SRGAP3: variants seen among roughly 807,000 people sequenced by gnomAD.
The protein encoded by SRGAP3 is SLIT-ROBO Rho GTPase activating protein 3.
In SRGAP3, 39 loss-of-function variants were observed where a neutral mutation model predicts 121.1. The observed-to-expected ratio is 0.32, with a 90% CI of 0.25 to 0.42. SRGAP3 has a LOEUF of 0.42. Ranked by LOEUF, SRGAP3 falls within the 10% of genes least tolerant of loss-of-function variation. The probability of loss-of-function intolerance (pLI) is 1.00; values close to 1 mark genes in which losing one functional copy is unlikely to be tolerated. For synonymous variants in SRGAP3, 601 were observed against 570.0 expected, an observed-to-expected ratio of 1.05 and a Z score of -0.77; for missense variants, 1,213 against 1,470.6, an observed-to-expected ratio of 0.82 and a Z score of 2.86.
intron 3 of SRGAP3, among the ~76,000 whole-genome samples, chr3:9,288,768 G>T (rs1380258227): frequency 6.6e-6 from 1 of 151,724 alleles, no homozygotes; most frequent in Non-Finnish European, 1.5e-5. Context: ...AGAGACAGGG[G>T]TTCCACTATT....
intron 18 of SRGAP3, among the ~76,000 whole-genome samples, chr3:9,002,086 C>T (rs1158260203): frequency 1.3e-5 from 2 of 152,122 alleles, no homozygotes; most frequent in African/African-American, 4.8e-5. Context: ...GTATAGAACA[C>T]ACCACTCAGC....
chr3:9,055,039 G>A (rs1045955294), intron 8 of SRGAP3, among the ~76,000 whole-genome samples: 2 of 152,162 alleles, frequency 1.3e-5, no homozygotes, highest in Admixed American at 1.3e-4. Flanking sequence ...ACTATTCCGT[G>A]TAAACAATTT....
Position 9,131,433 on chromosome 3 carries a change from C to CCT in SRGAP3, c.68-6517_68-6516insAG, listed in dbSNP as rs1365084192. Reference sequence around the variant, plus strand: ...GCCCAGAGAAGGGGAAGATCTAATTCTTTTTTTTTTTTTTTTTTTTTTTGA... The same window carrying CCT: ...GCCCAGAGAAGGGGAAGATCTAATTCCTTTTTTTTTTTTTTTTTTTTTTTTGA... On this transcript the variant is annotated intron_variant, in intron 1 of 21. Coordinates refer to ENST00000383836, the MANE Select transcript of SRGAP3 (RefSeq NM_014850.4). 1.0e-3 allele frequency among the ~76,000 whole-genome samples: 90 copies of CCT among 90,228 alleles called. 1 individual carries two copies. Among genetic ancestry groups the CCT allele is most frequent in the Non-Finnish European group, 1.6e-3 (79 of 48,814 alleles). 59.2% of individuals were successfully genotyped at this position (90,228 alleles called of 152,430 possible). A position where few individuals can be genotyped will look rare whatever the true frequency, so the allele number is the denominator to read the frequency against.
rs925183371 is a variant in SRGAP3, at chr3:9,103,611, A to G, written c.423+1069T>C. Among the ~76,000 whole-genome samples, 11 of 152,204 alleles carry G rather than the reference A, an allele frequency of 7.2e-5. No individual in the cohort carries two copies. In the South Asian group the frequency reaches 1.0e-3, roughly 14 times the overall value. ...AGGCCACATCCCAAACCACTTTGCA[A>G]TAATGCCACTCTCCCCGCACACCAT... On this transcript the variant is annotated intron_variant, in intron 3 of 21. Transcript: ENST00000383836.
At chr3:9,118,447 C>T (rs1012164923) in intron 2 of SRGAP3, among the ~76,000 whole-genome samples, 26 of 152,188 alleles carry the variant, frequency 1.7e-4, no homozygotes, top group Admixed American at 1.3e-4. Context: ...CTGCCTGCTA[C>T]ACCAGAGTCC....
chr3:9,093,553 TCATC>T (rs994152361), intron 3 of SRGAP3, among the ~76,000 whole-genome samples: 63 of 151,192 alleles, frequency 4.2e-4, no homozygotes, highest in African/African-American at 1.5e-3. Context: ...ACTCATCCAC[TCATC>T]CATCCATTCA....
At chr3:9,191,878 C>T (rs985890334) in intron 1 of SRGAP3, among the ~76,000 whole-genome samples, 1 of 152,080 alleles carries the variant, frequency 6.6e-6, no homozygotes, top group Non-Finnish European at 1.5e-5. Context: ...AAGTGTGTAG[C>T]ATCTCCCCCC....
At chr3:9,156,097 G>A (rs1210998524) in intron 1 of SRGAP3, among the ~76,000 whole-genome samples, 2 of 152,224 alleles carry the variant, frequency 1.3e-5, no homozygotes, top group Non-Finnish European at 2.9e-5. Context: ...TTACAGGCGT[G>A]AGCCACCACG....
chr3:9,069,025 A>G (rs113937760), intron 4 of SRGAP3, among the ~76,000 whole-genome samples: 1,807 of 152,340 alleles, frequency 0.012, 25 homozygotes, highest in Non-Finnish European at 0.018. Flanking sequence ...ACCATGGCCC[A>G]GAATAGGTCA....
chr3:9,299,399 C>T (rs1024759656), intron 3 of SRGAP3, among the ~76,000 whole-genome samples: 1 of 151,332 alleles, frequency 6.6e-6, no homozygotes, highest in African/African-American at 2.4e-5. Context: ...AAAGAAACTT[C>T]AAGATAGTAG....
chr3:9,044,773 C>T (rs934017598), intron 10 of SRGAP3, among the ~76,000 whole-genome samples: 1 of 152,188 alleles, frequency 6.6e-6, no homozygotes, highest in Non-Finnish European at 1.5e-5. Flanking sequence ...CCAGTTGACA[C>T]TAAGAAGGAT....
chr3:8,994,030 C>T, intron 19 of SRGAP3: 1 of 428,174 alleles, frequency 2.3e-6, no homozygotes, highest in South Asian at 2.2e-5. Context: ...GGTGGAGGCA[C>T]ATGGCAGGAT....
At position 9,088,518 on chromosome 3, in the gene SRGAP3, C is replaced by T. The variant is rs367976075; in HGVS notation, c.424-8431G>A. 1.2e-4 allele frequency among the ~76,000 whole-genome samples: 18 copies of T among 152,256 alleles called. No homozygotes were observed. In the East Asian group the frequency reaches 2.3e-3, roughly 20 times the overall value. On this transcript the variant is annotated intron_variant, in intron 3 of 21. Coordinates refer to ENST00000383836, the MANE Select transcript of SRGAP3 (RefSeq NM_014850.4). ...GTCCTGTGTATAGGATGTTTAGGAG[C>T]ATCACTGGCCTCCACCCGTGAGAGG...
intron 3 of SRGAP3, among the ~76,000 whole-genome samples, chr3:9,092,886 G>T (rs892854489): frequency 1.3e-5 from 2 of 152,030 alleles, no homozygotes; most frequent in Admixed American, 1.3e-4. Context: ...AATCTCTGTG[G>T]GCCCAGAACA....
At chr3:9,288,834 C>T (rs1037042704) in intron 3 of SRGAP3, among the ~76,000 whole-genome samples, 4 of 152,250 alleles carry the variant, frequency 2.6e-5, no homozygotes, top group Non-Finnish European at 5.9e-5. Context: ...CCTCAGCCTC[C>T]CAAAGTGCTG....
At chr3:9,185,388 C>T (rs1041589952) in intron 1 of SRGAP3, among the ~76,000 whole-genome samples, 3 of 152,182 alleles carry the variant, frequency 2.0e-5, no homozygotes, top group Admixed American at 6.5e-5. Context: ...CTGGAGTGGT[C>T]AAAGAGGGGT....
intron 3 of SRGAP3, among the ~76,000 whole-genome samples, chr3:9,103,833 A>T (rs535318606): frequency 3.3e-5 from 5 of 152,348 alleles, no homozygotes; most frequent in Admixed American, 6.5e-5. Context: ...AACGTGGGAT[A>T]CAGAGACCTC....
chr3:9,068,274 A>G (rs1946523186), intron 4 of SRGAP3, among the ~76,000 whole-genome samples: 1 of 152,162 alleles, frequency 6.6e-6, no homozygotes, highest in Admixed American at 6.5e-5. Flanking sequence ...CCATGCATCC[A>G]TCCACTCTCT....
chr3:9,329,003 T>C (rs1302859768), intron 2 of SRGAP3, among the ~76,000 whole-genome samples: 2 of 9,892 alleles, frequency 2.0e-4, no homozygotes. Context: ...CCCATCCAGT[T>C]TTTTTTGTTT....
Sources: gnomAD v4.1 joint callset for allele counts (sites outside exome capture counted in the v4.1 genomes callset) on GRCh38, gnomAD v4.1.1 for gene constraint, MANE v1.5 for transcripts, NCBI Gene and HGNC (gene_info 2026-07-23, HGNC 2026-07-21) for gene names.